LZTFL1: variants seen among roughly 807,000 people sequenced by gnomAD.
LZTFL1 encodes leucine zipper transcription factor like 1, also known as leucine zipper transcription factor-like protein 1.
A neutral mutation model predicts 45.9 loss-of-function variants in LZTFL1; 25 were observed. The observed-to-expected ratio is 0.54, with a 90% CI of 0.40 to 0.76. LZTFL1 has a LOEUF of 0.76. Ranked by LOEUF, LZTFL1 falls within the 30% of genes least tolerant of loss-of-function variation. The pLI, the probability that LZTFL1 is intolerant of heterozygous loss-of-function variation, is 0.00. For synonymous variants in LZTFL1, 93 were observed against 117.4 expected (o/e 0.79, Z 1.35); for missense variants, 277 against 331.1 (o/e 0.84, Z 1.27).
intron 2 of LZTFL1, chr3:45,895,197 A>G (rs1445964215): frequency 3.7e-6 from 2 of 542,900 alleles, no homozygotes; most frequent in Non-Finnish European, 3.3e-6. Flanking sequence ...GGTGTTATAA[A>G]CAGCTAAGGA....
Position 45,901,023 on chromosome 3 carries a change from G to T in LZTFL1, c.-215+12097C>A. 2 of 1,614,236 alleles carry T rather than the reference G, an allele frequency of 1.2e-6. No homozygotes were observed. The highest frequency in any genetic ancestry group is 1.7e-6 in the Non-Finnish European group (2 of 1,180,034). ...CCTTGTCTACTGGTACTGCACAAGA[G>T]TGAAGACCATGACCGACATGTTCCT... On this transcript the variant is annotated intron_variant, in intron 2 of 4. Coordinates refer to the LZTFL1 transcript ENST00000472635. This position sits in a 1 kb window ranked among gnomAD's most constrained non-coding sequence, Gnocchi z 4.3.
intron 2 of LZTFL1, among the ~76,000 whole-genome samples, chr3:45,877,037 G>A (rs1449214983): frequency 5.9e-5 from 9 of 152,208 alleles, no homozygotes; most frequent in African/African-American, 2.2e-4. Context: ...TAGGGCAAGG[G>A]AAGGCTTCCT....
At chr3:45,862,113 C>T (rs1444226384) in intron 2 of LZTFL1, among the ~76,000 whole-genome samples, 1 of 152,180 alleles carries the variant, frequency 6.6e-6, no homozygotes, top group South Asian at 2.1e-4. Flanking sequence ...ATGTGAGGCA[C>T]CATCTTAGAC....
At chr3:45,841,361 G>A (rs1701106753) in intron 1 of LZTFL1, among the ~76,000 whole-genome samples, 1 of 152,198 alleles carries the variant, frequency 6.6e-6, no homozygotes. Context: ...TATATTCGCT[G>A]GAGGGATTAA....
At chr3:45,913,460 T>G (rs1198630865) in intron 1 of LZTFL1, among the ~76,000 whole-genome samples, 1 of 152,228 alleles carries the variant, frequency 6.6e-6, no homozygotes, top group Non-Finnish European at 1.5e-5. Context: ...ATATATGAAC[T>G]AGTAATATAT....
At chr3:45,904,899 C>T (rs1476989461) in intron 2 of LZTFL1, among the ~76,000 whole-genome samples, 2 of 152,130 alleles carry the variant, frequency 1.3e-5, no homozygotes, top group African/African-American at 2.4e-5. Context: ...AAAGCACAGC[C>T]GAAATCATCC....
At chr3:45,885,325 A>G (rs1701950653) in intron 2 of LZTFL1, among the ~76,000 whole-genome samples, 1 of 152,222 alleles carries the variant, frequency 6.6e-6, no homozygotes. Flanking sequence ...ATCATTAATC[A>G]CATCAGGATT....
At chr3:45,848,337 C>T (rs1372118557) in intron 4 of LZTFL1, among the ~76,000 whole-genome samples, 2 of 152,196 alleles carry the variant, frequency 1.3e-5, no homozygotes, top group Non-Finnish European at 2.9e-5. Flanking sequence ...ATCTATGGTA[C>T]ATATCAAGTA....
chr3:45,901,629 G>T lies in LZTFL1; in HGVS notation c.-215+11491C>A. The T allele has an allele frequency of 6.2e-7, 1 of 1,614,158 alleles. No homozygotes were observed. The highest frequency in any genetic ancestry group is 8.5e-7 in the Non-Finnish European group (1 of 1,180,016). On this transcript the variant is annotated intron_variant, in intron 2 of 4. Coordinates refer to the LZTFL1 transcript ENST00000472635. This position sits in a 1 kb window ranked among gnomAD's most constrained non-coding sequence, Gnocchi z 4.3. ...CATTTTGTTGGTGCAGACCATTGAC[G>T]CCTATGCCATGTTCATCTCCAACTG...
intron 2 of LZTFL1, among the ~76,000 whole-genome samples, chr3:45,867,470 C>A (rs769769090): frequency 2.6e-5 from 4 of 152,026 alleles, no homozygotes; most frequent in Non-Finnish European, 5.9e-5. Flanking sequence ...ATCAACCTTG[C>A]TTAAAGAATC....
chr3:45,871,173 A>G (rs561431373), intron 2 of LZTFL1, among the ~76,000 whole-genome samples: 1 of 152,346 alleles, frequency 6.6e-6, no homozygotes, highest in East Asian at 1.9e-4. Flanking sequence ...GATCTTTGTT[A>G]CAATGCCTCC....
rs1038568294 is a variant in LZTFL1, at chr3:45,855,607, T to C, written c.-137-533A>G. Among the ~76,000 whole-genome samples the C allele has an allele frequency of 5.9e-5, 9 of 152,046 alleles. 1 individual carries two copies. The highest frequency in any genetic ancestry group is 1.9e-4 in the African/African-American group (8 of 41,372). ...GGTATTCAAATAGGAACAGAGGAAGTCAAACTGTCTCTGTTTGCACATGAC... is the reference window on the plus strand; with the variant it reads ...GGTATTCAAATAGGAACAGAGGAAGCCAAACTGTCTCTGTTTGCACATGAC... On this transcript the variant is annotated intron_variant, in intron 3 of 4. Coordinates refer to the LZTFL1 transcript ENST00000472635.
chr3:45,881,517 C>T (rs1559417953), intron 2 of LZTFL1, among the ~76,000 whole-genome samples: 1 of 152,148 alleles, frequency 6.6e-6, no homozygotes, highest in Non-Finnish European at 1.5e-5. Context: ...CTCTCTCACT[C>T]TCTGAGAATT....
At chr3:45,878,811 T>C (rs1360872998) in intron 2 of LZTFL1, among the ~76,000 whole-genome samples, 1 of 152,212 alleles carries the variant, frequency 6.6e-6, no homozygotes, top group Admixed American at 6.5e-5. Flanking sequence ...CCAGGTGCAG[T>C]GGCTCACGCC....
At chr3:45,880,368 G>T (rs1325950358) in intron 2 of LZTFL1, among the ~76,000 whole-genome samples, 1 of 152,098 alleles carries the variant, frequency 6.6e-6, no homozygotes, top group Non-Finnish European at 1.5e-5. Context: ...TGGGCGTGGT[G>T]ATGGGCACCT....
chr3:45,832,883 G>A, intron 5 of LZTFL1, 167 bp downstream of exon 5: 1 of 567,596 alleles, frequency 1.8e-6, no homozygotes, highest in South Asian at 2.2e-5. Flanking sequence ...TCTCTAGAAG[G>A]TTAAGTATGC....
chr3:45,902,816 T>A (rs144606172), intron 2 of LZTFL1: 1 of 167,166 alleles, frequency 6.0e-6, no homozygotes, highest in East Asian at 1.9e-4. Flanking sequence ...TGAGGCCCAC[T>A]TTATTCTGAG....
intron 2 of LZTFL1, among the ~76,000 whole-genome samples, chr3:45,873,625 A>C (rs1701703580): frequency 6.6e-6 from 1 of 152,158 alleles, no homozygotes. Context: ...TGTCTTGCTC[A>C]TAATAATTCT....
At chr3:45,849,369 A>G (rs185506286) in intron 4 of LZTFL1, among the ~76,000 whole-genome samples, 1 of 152,236 alleles carries the variant, frequency 6.6e-6, no homozygotes, top group Non-Finnish European at 1.5e-5. Flanking sequence ...TACAAACGCT[A>G]AGAGATTAAA....
Sources: allele counts gnomAD v4.1 joint callset (sites outside exome capture counted in the v4.1 genomes callset), GRCh38; gene constraint gnomAD v4.1.1; non-coding constraint Gnocchi (gnomAD v3.1); transcripts MANE v1.5; gene names NCBI Gene and HGNC (gene_info 2026-07-23, HGNC 2026-07-21).